Variants in WNT2B observed in about 807,000 individuals in gnomAD.
WNT2B encodes protein Wnt-2b.
A neutral mutation model predicts 40.5 loss-of-function variants in WNT2B; 19 were observed. That is an observed-to-expected ratio of 0.47 (90% confidence interval 0.33 to 0.69). The LOEUF (loss-of-function observed/expected upper bound fraction) is 0.69, where lower values mean the gene tolerates loss of function less well. Ranked by LOEUF, WNT2B falls within the 30% of genes least tolerant of loss-of-function variation. WNT2B has a pLI of 0.02. For synonymous variants in WNT2B, 220 were observed against 211.9 expected (o/e 1.04, Z -0.33); for missense variants, 467 against 556.4 (o/e 0.84, Z 1.62).
rs778364209 is a variant in WNT2B at position 112,517,326 on chromosome 1, G to A, written c.887G>A (p.Arg296Gln). Residue 296 changes from arginine (R) to glutamine (Q), a missense_variant, in exon 4 of 5, where the codon CGG becomes CAG. By Grantham distance (43) the Arg-to-Gln change is conservative. This residue lies in a region of WNT2B where 330 missense variants were observed against 438.6 expected (regional missense o/e 0.75). Coordinates refer to ENST00000369684, the MANE Select transcript of WNT2B (RefSeq NM_024494.3). ...CGCCAAGGCTATCGCCGTGCCACCCGGACTGATCTTGTCTACTTTGACAAC... is the reference window on the plus strand; with the variant it reads ...CGCCAAGGCTATCGCCGTGCCACCCAGACTGATCTTGTCTACTTTGACAAC... ...AARQGYRRAT[R>Q]TDLVYFDNSP... The A allele has an allele frequency of 2.4e-5, 39 of 1,613,606 alleles. No homozygotes were observed. In the Middle Eastern group the frequency reaches 4.9e-4, roughly 20 times the overall value.
rs556776959 is a variant in WNT2B at position 112,500,868 on chromosome 1, G to A, written c.-94-14006G>A. On this transcript the variant is annotated intron_variant, in intron 1 of 4. Coordinates refer to the WNT2B transcript ENST00000256640. ...AGTGCCCATATATCCCAGTTTTCCC[G>A]ATTACAAACATCTTTCTTACACTAC... Among the ~76,000 whole-genome samples, 10 of 152,240 alleles carry A rather than the reference G, an allele frequency of 6.6e-5. No homozygotes were observed. The South Asian group carries it at 8.3e-4, about 13-fold the overall frequency.
intron 1 of WNT2B, among the ~76,000 whole-genome samples, chr1:112,488,206 G>C (rs186977781): frequency 6.6e-6 from 1 of 151,722 alleles, no homozygotes; most frequent in African/African-American, 2.4e-5. Flanking sequence ...GCTGAGGCTG[G>C]AGAATTATTT....
At position 112,529,155 on chromosome 1, in the gene WNT2B, AGTGT is replaced by A. The variant is rs1296799594; in HGVS notation, c.*8655_*8658del. ...ATGGGTCTGACCCAGTGTGGCACTG[AGTGT>A]GTGTGTGTTTGTGTGTTTGTGTGTG... On this transcript the variant is annotated 3_prime_UTR_variant, in exon 5 of 5. Transcript: ENST00000369684. 2 of 99,990 alleles carry A rather than the reference AGTGT, an allele frequency of 2.0e-5. No individual in the cohort carries two copies. The highest frequency in any genetic ancestry group is 5.7e-5 in the African/African-American group (2 of 35,188). The allele number at this position is 99,990 out of a possible 1,614,324, so 6.2% of individuals were successfully genotyped here.
intron 1 of WNT2B, among the ~76,000 whole-genome samples, chr1:112,477,025 T>G (rs1651073712): frequency 6.6e-6 from 1 of 152,192 alleles, no homozygotes; most frequent in Non-Finnish European, 1.5e-5. Context: ...ACACCTGCAC[T>G]GTGGATCTGG....
chr1:112,514,301 C>T (rs965247195), intron 1 of WNT2B, among the ~76,000 whole-genome samples: 3 of 152,120 alleles, frequency 2.0e-5, no homozygotes, highest in African/African-American at 7.2e-5. Flanking sequence ...CCGGACCTCA[C>T]GATTGGGAAT....
intron 1 of WNT2B, among the ~76,000 whole-genome samples, chr1:112,472,992 G>A (rs1650928848): frequency 7.0e-6 from 1 of 143,224 alleles, no homozygotes; most frequent in African/African-American, 2.7e-5. Context: ...GAGAGAGGGA[G>A]GGAGGGGAGG....
rs1650801407 is a variant in WNT2B at position 112,469,337 on chromosome 1, A to G, written c.-95+1746A>G. ...TTCTGGCTCTTTTTTGGTTCCATAC[A>G]AATTTTAGTATTTTTTTTCTATTCT... On this transcript the variant is annotated intron_variant, in intron 1 of 4. Transcript: ENST00000256640. 2.6e-5 allele frequency among the ~76,000 whole-genome samples: 4 copies of G among 152,176 alleles called. No individual in the cohort carries two copies. The South Asian group carries it at 8.3e-4, about 32-fold the overall frequency.
chr1:112,488,912 A>G lies in WNT2B; in HGVS notation c.-95+21321A>G, dbSNP rs543582494. On this transcript the variant is annotated intron_variant, in intron 1 of 4. Transcript: ENST00000256640. ...CCTATGTCACCCAGGCTGGTCTCCA[A>G]CTTCTGGGCTTAAGCAATCCTCCCA... is the stretch of plus-strand genomic sequence containing the variant. Among the ~76,000 whole-genome samples the G allele has an allele frequency of 4.6e-5, 7 of 152,092 alleles. No individual in the cohort carries two copies. The South Asian group carries it at 1.5e-3, about 32-fold the overall frequency.
Position 112,530,140 on chromosome 1 carries a change from C to A in WNT2B, c.*9631C>A, listed in dbSNP as rs1196761942. ...CGACAAGCTAGAGAAGTAATAATTA[C>A]CAATAAAGTAAATTCCAAAGCCGAA... On this transcript the variant is annotated 3_prime_UTR_variant, in exon 5 of 5. Transcript: ENST00000369684. The A allele has an allele frequency of 1.3e-5, 2 of 152,172 alleles. No homozygotes were observed. The highest frequency in any genetic ancestry group is 4.8e-5 in the African/African-American group (2 of 41,450). The allele number at this position is 152,172 out of a possible 1,614,324, so 9.4% of individuals were successfully genotyped here. A position where few individuals can be genotyped will look rare whatever the true frequency, so the allele number is the denominator to read the frequency against.
chr1:112,476,401 G>A lies in WNT2B; in HGVS notation c.-95+8810G>A, dbSNP rs1651054780. On this transcript the variant is annotated intron_variant, in intron 1 of 4. Coordinates refer to the WNT2B transcript ENST00000256640. ...ATGACATCACCAAGATGGTGGATGA[G>A]AAGGTAATGCCCATCCCCCACTGAG... 1.3e-5 allele frequency among the ~76,000 whole-genome samples: 2 copies of A among 152,148 alleles called. 1 individual carries two copies. The highest frequency in any genetic ancestry group is 4.1e-4 in the South Asian group (2 of 4,830).
chr1:112,512,425 T>C (rs1255142527), intron 1 of WNT2B, among the ~76,000 whole-genome samples: 4 of 152,210 alleles, frequency 2.6e-5, no homozygotes, highest in Admixed American at 6.5e-5. Context: ...GGGGCCTGAA[T>C]GTCTGCATTT....
rs956618179 is a variant in WNT2B, at chr1:112,515,808, C to T, written c.404-332C>T. On this transcript the variant is annotated intron_variant, in intron 2 of 4. Coordinates refer to ENST00000369684, the MANE Select transcript of WNT2B (RefSeq NM_024494.3). This position sits in a 1 kb window ranked among gnomAD's most constrained non-coding sequence, Gnocchi z 4.4. The stretch of plus-strand genomic sequence containing the variant: ...TGGACTAAGGCAGGCTTAGCTGAGC[C>T]AGTGCTGGCACTCAGTGGGAGGGGA... 2.0e-5 allele frequency among the ~76,000 whole-genome samples: 3 copies of T among 152,184 alleles called. No homozygotes were observed. Among genetic ancestry groups the T allele is most frequent in the African/African-American group, 7.2e-5 (3 of 41,436 alleles).
At chr1:112,470,365 G>T (rs1347130801) in intron 1 of WNT2B, among the ~76,000 whole-genome samples, 2 of 152,096 alleles carry the variant, frequency 1.3e-5, no homozygotes, top group African/African-American at 4.8e-5. Flanking sequence ...GAGGCGGGTG[G>T]ATCACCTGAG....
chr1:112,506,152 G>A (rs1652099609), upstream of WNT2B, among the ~76,000 whole-genome samples: 2 of 152,126 alleles, frequency 1.3e-5, no homozygotes, highest in Admixed American at 6.5e-5. Flanking sequence ...GACCACAGGT[G>A]TGCATGACCA....
At chr1:112,485,802 T>C (rs1430496478) in intron 1 of WNT2B, among the ~76,000 whole-genome samples, 1 of 152,144 alleles carries the variant, frequency 6.6e-6, no homozygotes, top group Non-Finnish European at 1.5e-5. Context: ...ACAGAAAATC[T>C]TTGTAACCTT....
At chr1:112,469,532 TGTAGAGATC>T (rs1650807889) in intron 1 of WNT2B, among the ~76,000 whole-genome samples, 1 of 152,216 alleles carries the variant, frequency 6.6e-6, no homozygotes, top group African/African-American at 2.4e-5. Flanking sequence ...TAGTATACCT[TGTAGAGATC>T]TTTCACCTAC....
intron 1 of WNT2B, among the ~76,000 whole-genome samples, chr1:112,496,789 A>G (rs1476398328): frequency 6.6e-6 from 1 of 151,980 alleles, no homozygotes; most frequent in East Asian, 1.9e-4. Context: ...TAGTAGAGAC[A>G]GGGTTTCTCC....
In WNT2B at chr1:112,528,973, T is replaced by G. The variant is rs143075362; in HGVS notation, c.*8464T>G. The stretch of plus-strand genomic sequence containing the variant: ...CATGATCTCTAGTTAGGTGTCTATT[T>G]TCCTGCATTTGCTAAAGGTAAAAAT... On this transcript the variant is annotated 3_prime_UTR_variant, in exon 5 of 5. Transcript: ENST00000369684. 1 of 152,356 alleles carries G rather than the reference T, an allele frequency of 6.6e-6. No homozygotes were observed. The highest frequency in any genetic ancestry group is 2.4e-5 in the African/African-American group (1 of 41,586). 9.4% of individuals were successfully genotyped at this position (152,356 alleles called of 1,614,324 possible).
Position 112,515,422 on chromosome 1 carries a change from AG to A in WNT2B, c.403+330del, listed in dbSNP as rs1652490457. Among the ~76,000 whole-genome samples, 1 of 152,186 alleles carries A rather than the reference AG, an allele frequency of 6.6e-6. No homozygotes were observed. The highest frequency in any genetic ancestry group is 2.1e-4 in the South Asian group (1 of 4,826). On this transcript the variant is annotated intron_variant, in intron 2 of 4. Coordinates refer to ENST00000369684, the MANE Select transcript of WNT2B (RefSeq NM_024494.3). The surrounding 1 kb of genome is among the most constrained non-coding windows in gnomAD (Gnocchi z 4.4). Reference sequence around the variant, plus strand: ...GTACTGTAAGGCTGAGGTCTATGATAGGCCCTCTGTTCTTAACACCACCATC... The same window carrying A: ...GTACTGTAAGGCTGAGGTCTATGATAGCCCTCTGTTCTTAACACCACCATC...
Sources: allele counts gnomAD v4.1 joint callset (sites outside exome capture counted in the v4.1 genomes callset), GRCh38; gene constraint gnomAD v4.1.1; regional missense constraint gnomAD v4.1.1; non-coding constraint Gnocchi (gnomAD v3.1); transcripts MANE v1.5; gene names NCBI Gene and HGNC (gene_info 2026-07-23, HGNC 2026-07-21).